The following MAGI2 variants were observed in gnomAD, a reference collection of about 807,000 sequenced individuals.
MAGI2 encodes membrane associated guanylate kinase, WW and PDZ domain containing 2.
Under a neutral mutation model 133.3 loss-of-function variants are expected in MAGI2, and 35 were observed. The observed-to-expected ratio is 0.26, with a 90% CI of 0.20 to 0.35. The LOEUF (loss-of-function observed/expected upper bound fraction) is 0.35, where lower values mean the gene tolerates loss of function less well. Ranked by LOEUF, MAGI2 falls within the 10% of genes least tolerant of loss-of-function variation. MAGI2 has a pLI of 1.00. For missense variants in MAGI2, 1,636 were observed against 1,863.4 expected, an observed-to-expected ratio of 0.88 and a Z score of 2.25; for synonymous variants, 729 against 710.6, an observed-to-expected ratio of 1.03 and a Z score of -0.41.
intron 3 of MAGI2, among the ~76,000 whole-genome samples, chr7:78,564,307 C>A (rs982434764): frequency 2.6e-5 from 4 of 152,132 alleles, no homozygotes; most frequent in Non-Finnish European, 5.9e-5. Flanking sequence ...CTTGGATCAA[C>A]CCTGAGCGTC....
intron 1 of MAGI2, among the ~76,000 whole-genome samples, chr7:79,135,559 T>A (rs924909964): frequency 2.0e-5 from 3 of 152,126 alleles, no homozygotes; most frequent in African/African-American, 7.2e-5. Context: ...GGCCCCAGAA[T>A]CCTCCTCTGC....
At chr7:78,909,678 A>G (rs1798262828) in intron 2 of MAGI2, among the ~76,000 whole-genome samples, 1 of 151,680 alleles carries the variant, frequency 6.6e-6, no homozygotes, top group Admixed American at 6.6e-5. Context: ...GAACACTTTT[A>G]CACTATTGGT....
intron 21 of MAGI2, among the ~76,000 whole-genome samples, chr7:78,056,212 T>C (rs1174255149): frequency 6.6e-6 from 1 of 152,222 alleles, no homozygotes; most frequent in Non-Finnish European, 1.5e-5. Context: ...TCCCATAATG[T>C]CCTCAAGGTT....
At chr7:79,039,648 A>G (rs1407456003) in intron 1 of MAGI2, among the ~76,000 whole-genome samples, 1 of 151,634 alleles carries the variant, frequency 6.6e-6, no homozygotes, top group Non-Finnish European at 1.5e-5. Context: ...TAAAGAACTC[A>G]AGCAACTCAA....
chr7:78,365,743 A>T (rs183476185), intron 7 of MAGI2, among the ~76,000 whole-genome samples: 34 of 152,338 alleles, frequency 2.2e-4, no homozygotes, highest in Non-Finnish European at 4.0e-4. Flanking sequence ...ACAGTGGCAT[A>T]GTAGGGTAAA....
intron 1 of MAGI2, among the ~76,000 whole-genome samples, chr7:79,186,210 A>T (rs200778575): frequency 3.7e-3 from 14 of 3,764 alleles, no homozygotes; most frequent in Non-Finnish European, 8.4e-3. Context: ...ATATATATAT[A>T]TATATATATA....
At chr7:78,303,433 A>G (rs1798009334) in intron 9 of MAGI2, among the ~76,000 whole-genome samples, 1 of 149,696 alleles carries the variant, frequency 6.7e-6, no homozygotes, top group South Asian at 2.2e-4. Flanking sequence ...TCATCTGGAT[A>G]TCTTTAAAGC....
At chr7:79,410,468 T>G (rs1355148762) in intron 1 of MAGI2, 1 of 152,118 alleles carries the variant, frequency 6.6e-6, no homozygotes, top group Non-Finnish European at 1.5e-5. Context: ...CCACATGGTG[T>G]TTCACTGCCA....
intron 6 of MAGI2, among the ~76,000 whole-genome samples, chr7:78,397,104 G>C (rs898603111): frequency 1.3e-5 from 2 of 152,024 alleles, no homozygotes; most frequent in Non-Finnish European, 2.9e-5. Context: ...GAGTTTTCAT[G>C]AGAATGTTTA....
Position 78,115,513 on chromosome 7 carries a change from A to G in MAGI2, c.3567+10181T>C, listed in dbSNP as rs527936535. Among the ~76,000 whole-genome samples the G allele has an allele frequency of 3.9e-5, 6 of 152,346 alleles. No homozygotes were observed. The South Asian group carries it at 1.2e-3, about 32-fold the overall frequency. On this transcript the variant is annotated intron_variant, in intron 20 of 21. Coordinates refer to ENST00000354212, the MANE Select transcript of MAGI2 (RefSeq NM_012301.4). ...GAACGGTTAAAAGCAAAAGGATAAA[A>G]GAGACATACCAAAGAAAACTAGCAT...
At chr7:78,098,095 C>T (rs1817878446) in intron 20 of MAGI2, among the ~76,000 whole-genome samples, 1 of 152,026 alleles carries the variant, frequency 6.6e-6, no homozygotes, top group African/African-American at 2.4e-5. Context: ...TTGCACTCAC[C>T]AGCCAGAGTT....
rs527392598 is a variant in MAGI2 at position 79,358,726 on chromosome 7, G to A, written c.301+94294C>T. ...TAGTGATACTTGGAAGCCTAGCTTG[G>A]GGAAACACCTTTTACTCCCTCTGGA... On this transcript the variant is annotated intron_variant, in intron 1 of 21. Transcript: ENST00000354212. 3.9e-5 allele frequency among the ~76,000 whole-genome samples: 6 copies of A among 152,178 alleles called. No individual in the cohort carries two copies. In the South Asian group the frequency reaches 1.2e-3, roughly 32 times the overall value.
intron 7 of MAGI2, among the ~76,000 whole-genome samples, chr7:78,348,937 A>C (rs115859281): frequency 6.6e-6 from 1 of 152,210 alleles, no homozygotes; most frequent in African/African-American, 2.4e-5. Context: ...AGAGAAACCA[A>C]TTATACTATT....
chr7:78,101,950 A>G (rs998775436), intron 20 of MAGI2, among the ~76,000 whole-genome samples: 7 of 152,210 alleles, frequency 4.6e-5, no homozygotes, highest in African/African-American at 1.7e-4. Context: ...CCAAGATACG[A>G]AAACAACCTA....
At chr7:79,022,690 T>TGG (rs1809466227) in intron 1 of MAGI2, among the ~76,000 whole-genome samples, 3 of 142,698 alleles carry the variant, frequency 2.1e-5, no homozygotes, top group Non-Finnish European at 4.6e-5. Flanking sequence ...AAAGGGGACA[T>TGG]TACAACTGGC....
At chr7:78,858,479 A>G (rs1160263823) in intron 2 of MAGI2, among the ~76,000 whole-genome samples, 2 of 152,208 alleles carry the variant, frequency 1.3e-5, no homozygotes, top group African/African-American at 4.8e-5. Context: ...TTCAAAGAAC[A>G]TCTTTATTTC....
At chr7:78,302,638 G>A (rs1797928052) in intron 9 of MAGI2, among the ~76,000 whole-genome samples, 1 of 152,148 alleles carries the variant, frequency 6.6e-6, no homozygotes, top group Admixed American at 6.5e-5. Context: ...CATTTATTGA[G>A]TGCCTAATAC....
At chr7:78,578,315 A>G (rs1802479757) in intron 3 of MAGI2, among the ~76,000 whole-genome samples, 1 of 152,102 alleles carries the variant, frequency 6.6e-6, no homozygotes, top group Non-Finnish European at 1.5e-5. Flanking sequence ...AGATGAAAAT[A>G]TTACATATAA....
chr7:79,392,166 T>C (rs1425974355), intron 1 of MAGI2, among the ~76,000 whole-genome samples: 1 of 152,172 alleles, frequency 6.6e-6, no homozygotes, highest in Non-Finnish European at 1.5e-5. Context: ...GCTTCATCCA[T>C]GTCTCTGCAA....
Sources: gnomAD v4.1 joint callset for allele counts (sites outside exome capture counted in the v4.1 genomes callset) on GRCh38, gnomAD v4.1.1 for gene constraint, MANE v1.5 for transcripts, NCBI Gene and HGNC (gene_info 2026-07-23, HGNC 2026-07-21) for gene names.